Variants in DLGAP2 observed in about 807,000 individuals in gnomAD.
The protein encoded by DLGAP2 is DLG associated protein 2.
DLGAP2 carries 26 observed loss-of-function variants against 100.3 expected under a neutral mutation model. That is an observed-to-expected ratio of 0.26 (90% CI 0.19 to 0.36). The LOEUF (loss-of-function observed/expected upper bound fraction) is 0.36. DLGAP2 is among the 10% of genes least tolerant of loss of function. The pLI is 1.00. For missense variants in DLGAP2, 1,858 were observed against 1,453.2 expected (o/e 1.28, Z -4.53); for synonymous variants, 886 against 630.1 (o/e 1.41, Z -6.08).
intron 8 of DLGAP2, among the ~76,000 whole-genome samples, chr8:1,656,142 G>A (rs1798279281): frequency 6.6e-6 from 1 of 152,176 alleles, no homozygotes; most frequent in Non-Finnish European, 1.5e-5. Context: ...TGTCCAACAT[G>A]GTGAAACCCC....
intron 12 of DLGAP2, among the ~76,000 whole-genome samples, chr8:1,685,312 C>G (rs1007723820): frequency 2.6e-5 from 4 of 152,194 alleles, no homozygotes; most frequent in Admixed American, 1.3e-4. Flanking sequence ...CAGGTGGTAT[C>G]AGACCAACAG....
intron 3 of DLGAP2, among the ~76,000 whole-genome samples, chr8:1,365,270 C>T (rs527618205): frequency 6.6e-5 from 10 of 152,236 alleles, no homozygotes; most frequent in South Asian, 2.1e-4. Flanking sequence ...CCTCAAGCTC[C>T]GGGGATGTGT....
chr8:1,106,977 C>T (rs955188287), intron 2 of DLGAP2, among the ~76,000 whole-genome samples: 1 of 149,908 alleles, frequency 6.7e-6, no homozygotes, highest in East Asian at 1.9e-4. Context: ...AGAGTCTTGC[C>T]AGATAAGCAG....
At chr8:929,635 A>T (rs528511346) in intron 2 of DLGAP2, among the ~76,000 whole-genome samples, 2 of 10,434 alleles carry the variant, frequency 1.9e-4, no homozygotes, top group Non-Finnish European at 3.3e-4. Flanking sequence ...CCCTGTAAAC[A>T]TCCCACACCC....
chr8:1,320,849 TTCTC>T (rs914028912), intron 3 of DLGAP2, among the ~76,000 whole-genome samples: 17 of 152,140 alleles, frequency 1.1e-4, no homozygotes, highest in Admixed American at 2.0e-4. Flanking sequence ...GCACGTGTGT[TTCTC>T]TCTGTGTTTG....
chr8:1,676,617 C>G lies in DLGAP2; in HGVS notation c.2287C>G (p.Arg763Gly). The G allele has an allele frequency of 6.2e-7, 1 of 1,611,504 alleles. No individual in the cohort carries two copies. Among genetic ancestry groups the G allele is most frequent in the Non-Finnish European group, 8.5e-7 (1 of 1,178,908 alleles). ...SVGVQVEDEK[R>G]HGRFKRSNSV... The stretch of plus-strand genomic sequence containing the variant: ...CGGGGTGCAAGTGGAAGATGAGAAG[C>G]GGTAACTCAGCCCCTCCTGACACGC... The change falls in exon 11 of 15, where the codon CGA becomes GGA. Residue 763 changes from arginine to glycine, a missense_variant and splice_region_variant. By Grantham distance (125) the Arg-to-Gly change is moderately radical. Transcript: ENST00000637795.
chr8:1,160,143 T>C (rs1796862626), intron 2 of DLGAP2, among the ~76,000 whole-genome samples: 1 of 152,206 alleles, frequency 6.6e-6, no homozygotes, highest in Non-Finnish European at 1.5e-5. Flanking sequence ...TCTGAATCGC[T>C]GTGCACTATT....
intron 2 of DLGAP2, among the ~76,000 whole-genome samples, chr8:1,234,575 T>C (rs1430372051): frequency 6.6e-6 from 1 of 152,130 alleles, no homozygotes; most frequent in Non-Finnish European, 1.5e-5. Context: ...GTCCTGCAGG[T>C]GAGGACTTCA....
chr8:965,319 TG>T (rs1799829175), intron 2 of DLGAP2, among the ~76,000 whole-genome samples: 1 of 73,140 alleles, frequency 1.4e-5, no homozygotes, highest in Admixed American at 1.8e-4. Flanking sequence ...GTCTGACCCC[TG>T]CGCTGCACAC....
At chr8:1,469,578 A>T (rs975261528) in intron 3 of DLGAP2, among the ~76,000 whole-genome samples, 1 of 151,958 alleles carries the variant, frequency 6.6e-6, no homozygotes, top group Non-Finnish European at 1.5e-5. Context: ...CCTCAGAAGA[A>T]CCTCCCACGT....
At chr8:1,155,157 C>A (rs1264548802) in intron 2 of DLGAP2, among the ~76,000 whole-genome samples, 1 of 152,214 alleles carries the variant, frequency 6.6e-6, no homozygotes, top group Non-Finnish European at 1.5e-5. Flanking sequence ...CTGGCCGGGT[C>A]CCGTGTCCCC....
chr8:1,055,028 T>C (rs1418551977), intron 2 of DLGAP2, among the ~76,000 whole-genome samples: 4 of 152,224 alleles, frequency 2.6e-5, no homozygotes, highest in African/African-American at 9.6e-5. Flanking sequence ...TGAGGCCACA[T>C]GGTCAGAAAA....
chr8:1,503,809 T>G (rs984119248), intron 4 of DLGAP2, among the ~76,000 whole-genome samples: 11 of 151,974 alleles, frequency 7.2e-5, no homozygotes, highest in Non-Finnish European at 1.2e-4. Flanking sequence ...AAGAAGGAAA[T>G]GAGAGAATTT....
intron 13 of DLGAP2, among the ~76,000 whole-genome samples, chr8:1,694,659 CG>C (rs1359340811): frequency 5.9e-5 from 9 of 152,126 alleles, no homozygotes; most frequent in Admixed American, 3.9e-4. Context: ...CATCCAACCC[CG>C]GGGGGTGTGT....
chr8:1,333,198 C>T (rs936963500), intron 3 of DLGAP2, among the ~76,000 whole-genome samples: 5 of 152,274 alleles, frequency 3.3e-5, no homozygotes, highest in African/African-American at 1.2e-4. Flanking sequence ...TGTCTTCTGG[C>T]ACATTACAGA....
chr8:757,852 C>T (rs1820958697), intron 1 of DLGAP2, among the ~76,000 whole-genome samples: 1 of 152,182 alleles, frequency 6.6e-6, no homozygotes, highest in Non-Finnish European at 1.5e-5. Flanking sequence ...GTATTTTAAA[C>T]AGGAATCGGG....
At chr8:1,644,796 A>G (rs899773828) in intron 8 of DLGAP2, among the ~76,000 whole-genome samples, 1 of 152,252 alleles carries the variant, frequency 6.6e-6, no homozygotes, top group African/African-American at 2.4e-5. Flanking sequence ...AAATGTATTG[A>G]CACCATGGCT....
At chr8:1,471,923 C>T (rs1798811873) in intron 3 of DLGAP2, among the ~76,000 whole-genome samples, 1 of 152,220 alleles carries the variant, frequency 6.6e-6, no homozygotes, top group African/African-American at 2.4e-5. Flanking sequence ...GTGATTGCAA[C>T]CACTTCTTGT....
chr8:1,442,392 G>A (rs567017756), intron 3 of DLGAP2, among the ~76,000 whole-genome samples: 210 of 150,800 alleles, frequency 1.4e-3, no homozygotes, highest in Non-Finnish European at 2.4e-3. Flanking sequence ...TGGAGGAGAC[G>A]GATCCGGGCA....
Sources: gnomAD v4.1 joint callset for allele counts (sites outside exome capture counted in the v4.1 genomes callset) on GRCh38, gnomAD v4.1.1 for gene constraint, MANE v1.5 for transcripts, NCBI Gene and HGNC (gene_info 2026-07-23, HGNC 2026-07-21) for gene names.